RRAGC: variants seen among roughly 807,000 people sequenced by gnomAD.
RRAGC encodes the protein Ras related GTP binding C, also known as ras-related GTP-binding protein C.
Under a neutral mutation model 37.1 loss-of-function variants are expected in RRAGC, and 8 were observed. The ratio of observed to expected loss-of-function variants is 0.22; its 90% CI spans 0.13 to 0.39. The LOEUF is 0.39. Among genes scored for constraint, RRAGC ranks in the 10% least tolerant of loss-of-function variants. The pLI is 1.00. For synonymous variants in RRAGC, 190 were observed against 181.1 expected, an observed-to-expected ratio of 1.05 and a Z score of -0.39; for missense variants, 342 against 497.6, an observed-to-expected ratio of 0.69 and a Z score of 2.98.
rs1358000466 is a variant in RRAGC, at chr1:38,839,486, T to C, written c.*67A>G. On this transcript the variant is annotated 3_prime_UTR_variant, in exon 7 of 7. Transcript: ENST00000373001. Reference sequence around the variant, plus strand: ...CACAAGCAGCAGCTCCCATGTCCTGTAGCACGTGGCATCCGACCCTGGAGT... The same window carrying C: ...CACAAGCAGCAGCTCCCATGTCCTGCAGCACGTGGCATCCGACCCTGGAGT... 44 of 1,566,736 alleles carry C rather than the reference T, an allele frequency of 2.8e-5. No individual in the cohort carries two copies. In the East Asian group the frequency reaches 8.1e-4, roughly 29 times the overall value.
At position 38,839,500 on chromosome 1, in the gene RRAGC, C is replaced by A. The variant is rs370932639; in HGVS notation, c.*53G>T. 2.5e-6 allele frequency: 4 copies of A among 1,598,964 alleles called. 1 individual carries two copies. In the South Asian group the frequency reaches 3.3e-5, roughly 13 times the overall value. Reference sequence around the variant, plus strand: ...CCCATGTCCTGTAGCACGTGGCATCCGACCCTGGAGTGAAGAGTAAGCTGG... The same window carrying A: ...CCCATGTCCTGTAGCACGTGGCATCAGACCCTGGAGTGAAGAGTAAGCTGG... On this transcript the variant is annotated 3_prime_UTR_variant, in exon 7 of 7. Coordinates refer to ENST00000373001, the MANE Select transcript of RRAGC (RefSeq NM_022157.4).
At chr1:38,858,569 G>A (rs1459126572) in intron 1 of RRAGC, among the ~76,000 whole-genome samples, 1 of 152,116 alleles carries the variant, frequency 6.6e-6, no homozygotes, top group Non-Finnish European at 1.5e-5. Flanking sequence ...GTGGTGGCGC[G>A]CGCCTGTAAT....
At chr1:38,859,297 G>A in intron 1 of RRAGC, 113 bp downstream of exon 1, 1 of 995,084 alleles carries the variant, frequency 1.0e-6, no homozygotes, top group East Asian at 2.7e-5. Flanking sequence ...GGAAGAGAAA[G>A]TGCGGAGGGA....
chr1:38,839,853 C>G, intron 6 of RRAGC, 149 bp from the exon 7 acceptor site: 2 of 790,534 alleles, frequency 2.5e-6, no homozygotes, highest in Admixed American at 5.1e-5. Context: ...ATCGTAAGAA[C>G]AGCTGGTCAT....
chr1:38,859,283 G>T, intron 1 of RRAGC, 127 bp downstream of exon 1: 2 of 899,976 alleles, frequency 2.2e-6, no homozygotes, highest in South Asian at 3.5e-5. Flanking sequence ...GCGCTCGCAA[G>T]AGTGGAAGAG....
At chr1:38,852,237 A>G (rs1642109598) in intron 4 of RRAGC, 137 bp downstream of exon 4, 3 of 639,052 alleles carry the variant, frequency 4.7e-6, no homozygotes, top group Admixed American at 6.3e-5. Context: ...CATTTATTTT[A>G]CATGTTAAGT....
At chr1:38,843,241 G>A (rs1641985656) in intron 6 of RRAGC, among the ~76,000 whole-genome samples, 1 of 151,942 alleles carries the variant, frequency 6.6e-6, no homozygotes, top group Admixed American at 6.6e-5. Flanking sequence ...TGAGGTGGGA[G>A]GATCTCTTGA....
intron 1 of RRAGC, among the ~76,000 whole-genome samples, 185 bp downstream of exon 1, chr1:38,859,225 C>T (rs1045206712): frequency 1.3e-5 from 2 of 152,270 alleles, no homozygotes; most frequent in Non-Finnish European, 2.9e-5. Context: ...CTTCAGCTGA[C>T]TTGGGCGTGG....
intron 5 of RRAGC, 98 bp from the exon 6 acceptor site, chr1:38,846,185 T>C: frequency 1.1e-6 from 1 of 935,104 alleles, no homozygotes. Flanking sequence ...CCCAAATGTC[T>C]CTGGGAAAGA....
chr1:38,851,889 A>T, intron 4 of RRAGC, 132 bp from the exon 5 acceptor site: 1 of 698,430 alleles, frequency 1.4e-6, no homozygotes, highest in Non-Finnish European at 2.4e-6. Flanking sequence ...AAAAACAAAT[A>T]GCACTTGCTT....
chr1:38,857,087 TAAAAGA>T lies in RRAGC; in HGVS notation c.238-11_238-6del. 1 of 1,602,050 alleles carries T rather than the reference TAAAAGA, an allele frequency of 6.2e-7. No homozygotes were observed. Among genetic ancestry groups the T allele is most frequent in the Non-Finnish European group, 8.5e-7 (1 of 1,169,928 alleles). ...TGACATCTTATGAAACACCACCTGT[TAAAAGA>T]AAACAGGCAATTTTATGACTATTAA... On this transcript the variant is annotated splice_polypyrimidine_tract_variant and splice_region_variant and intron_variant, in intron 1 of 6. Transcript: ENST00000373001.
rs4970632 is a variant in RRAGC, at chr1:38,838,323, C to T, written c.*1230G>A. On this transcript the variant is annotated 3_prime_UTR_variant, in exon 7 of 7. Coordinates refer to ENST00000373001, the MANE Select transcript of RRAGC (RefSeq NM_022157.4). The stretch of plus-strand genomic sequence containing the variant: ...CATGTAAATACTCAAGTCAGAATCA[C>T]CTGCAGGAAGCACTCCAAGTCACAC... 0.93 allele frequency: 142,099 copies of T among 152,308 alleles called. 66,526 individuals carry two copies. Among genetic ancestry groups the T allele is most frequent in the Non-Finnish European group, 0.97 (66,009 of 68,044 alleles). 9.4% of individuals were successfully genotyped at this position (152,308 alleles called of 1,614,324 possible). A position where few individuals can be genotyped will look rare whatever the true frequency, so the allele number is the denominator to read the frequency against.
intron 3 of RRAGC, among the ~76,000 whole-genome samples, chr1:38,852,997 A>C (rs1159239979): frequency 6.6e-6 from 1 of 152,218 alleles, no homozygotes; most frequent in Non-Finnish European, 1.5e-5. Flanking sequence ...ACTGGTAAGT[A>C]CTTAAAACGA....
rs1238319551 is a variant in RRAGC at position 38,859,682 on chromosome 1, C to CCCTGA, written c.-37_-36insTCAGG. The CCCTGA allele has an allele frequency of 2.4e-5, 35 of 1,447,704 alleles. No individual in the cohort carries two copies. The highest frequency in any genetic ancestry group is 1.2e-4 in the African/African-American group (8 of 67,324). 89.7% of individuals were successfully genotyped at this position (1,447,704 alleles called of 1,614,324 possible). A position where few individuals can be genotyped will look rare whatever the true frequency, so the allele number is the denominator to read the frequency against. Reference sequence around the variant, plus strand: ...CCGCCGCCGCCCGCGCCCTGACAGGCCAGGCCAGGCCGAGCCAGGCCGCCG... The same window carrying CCCTGA: ...CCGCCGCCGCCCGCGCCCTGACAGGCCCTGACAGGCCAGGCCGAGCCAGGCCGCCG... On this transcript the variant is annotated 5_prime_UTR_variant, in exon 1 of 7. Transcript: ENST00000373001.
chr1:38,844,940 A>T (rs1642010164), intron 6 of RRAGC, among the ~76,000 whole-genome samples: 1 of 152,232 alleles, frequency 6.6e-6, no homozygotes, highest in South Asian at 2.1e-4. Flanking sequence ...AGCTCATGCC[A>T]GTTAGGATGG....
chr1:38,859,197 C>T (rs940583441), intron 1 of RRAGC, among the ~76,000 whole-genome samples: 3 of 152,252 alleles, frequency 2.0e-5, no homozygotes, highest in Non-Finnish European at 4.4e-5. Flanking sequence ...CCAGTTTCGC[C>T]TTCAGCGCTC....
rs1238353397 is a variant in RRAGC, at chr1:38,859,485, C to A, written c.162G>T (p.Pro54=). 6 of 1,547,940 alleles carry A rather than the reference C, an allele frequency of 3.9e-6. No individual in the cohort carries two copies. The highest frequency in any genetic ancestry group is 2.4e-5 in the East Asian group (1 of 40,890). ...VGAGAGGGCG[P]GGADSSKPRI... ...TCGGCTTGGAGCTGTCAGCGCCCCC[C>A]GGACCACAGCCACCGCCTGCCCCTG... Residue 54 remains proline (P), a synonymous_variant, in exon 1 of 7, where the codon CCG becomes CCT. Coordinates refer to ENST00000373001, the MANE Select transcript of RRAGC (RefSeq NM_022157.4).
rs1641917075 is a variant in RRAGC, at chr1:38,838,994, TTTC to T, written c.*556_*558del. 6.6e-6 allele frequency: 1 copy of T among 152,260 alleles called. No individual in the cohort carries two copies. The highest frequency in any genetic ancestry group is 2.4e-5 in the African/African-American group (1 of 41,464). The allele number at this position is 152,260 out of a possible 1,614,324, so 9.4% of individuals were successfully genotyped here. A position where few individuals can be genotyped will look rare whatever the true frequency, so the allele number is the denominator to read the frequency against. On this transcript the variant is annotated 3_prime_UTR_variant, in exon 7 of 7. Coordinates refer to ENST00000373001, the MANE Select transcript of RRAGC (RefSeq NM_022157.4). The stretch of plus-strand genomic sequence containing the variant: ...TGATGCAGCATAAAATTTTCTCTCA[TTTC>T]TTCAATATAGGAATGTCTTGCTGCA...
In RRAGC at chr1:38,859,538, C is replaced by A. The variant is rs1258351914; in HGVS notation, c.109G>T (p.Ala37Ser). The A allele has an allele frequency of 1.3e-6, 2 of 1,548,732 alleles. No homozygotes were observed. The highest frequency in any genetic ancestry group is 4.9e-5 in the East Asian group (2 of 41,054). The part of the protein sequence containing the change: ...GYGVEEEEEE[A>S]AAAGGGVGAG... ...CCAACCCCTCCGCCCGCCGCCGCCG[C>A]CTCCTCTTCCTCCTCCTCCACGCCG... The change falls in exon 1 of 7, where the codon GCG becomes TCG. Residue 37 changes from alanine (A) to serine (S), a missense_variant. This residue lies in a region of RRAGC where 104 missense variants were observed against 93.4 expected (regional missense o/e 1.11). Transcript: ENST00000373001.
Sources: gnomAD v4.1 joint callset for allele counts (sites outside exome capture counted in the v4.1 genomes callset) on GRCh38, gnomAD v4.1.1 for gene constraint, gnomAD v4.1.1 regional missense constraint, MANE v1.5 for transcripts, NCBI Gene and HGNC (gene_info 2026-07-23, HGNC 2026-07-21) for gene names.